Variants in RAD51B observed in about 807,000 individuals in gnomAD.
RAD51B encodes RAD51 paralog B, also known as DNA repair protein RAD51 homolog 2.
A neutral mutation model predicts 42.2 loss-of-function variants in RAD51B; 38 were observed. The observed-to-expected ratio is 0.90, with a 90% CI of 0.70 to 1.18. The LOEUF is 1.18. Among genes scored for constraint, RAD51B ranks in the 50% most tolerant of loss-of-function variants. The pLI, the probability that RAD51B is intolerant of heterozygous loss-of-function variation, is 0.00. For missense variants in RAD51B, 373 were observed against 400.7 expected (o/e 0.93, Z 0.59); for synonymous variants, 154 against 145.2 (o/e 1.06, Z -0.43).
At position 68,142,608 on chromosome 14, in the gene RAD51B, A is replaced by G. The variant is rs137938766; in HGVS notation, c.757-149276A>G. Among the ~76,000 whole-genome samples, 182 of 152,306 alleles carry G rather than the reference A, an allele frequency of 1.2e-3. 1 individual carries two copies. Among genetic ancestry groups the G allele is most frequent in the Non-Finnish European group, 1.9e-3 (126 of 68,012 alleles). On this transcript the variant is annotated intron_variant, in intron 7 of 10. Coordinates refer to ENST00000471583, the MANE Select transcript of RAD51B (RefSeq NM_133510.4). ...TTGACTTGCTGTTTTGTAAATCAAC[A>G]TGACAGGATAAACAGAGGCCATAGT...
At chr14:68,278,429 T>C (rs1199932758) in intron 7 of RAD51B, among the ~76,000 whole-genome samples, 1 of 152,188 alleles carries the variant, frequency 6.6e-6, no homozygotes, top group Non-Finnish European at 1.5e-5. Context: ...GGTGTTACGA[T>C]GAGGATGAAA....
intron 10 of RAD51B, chr14:68,563,151 G>A (rs1044209871): frequency 2.0e-6 from 2 of 985,464 alleles, no homozygotes; most frequent in East Asian, 1.1e-4. Flanking sequence ...GCGAAGGAGA[G>A]AAGTTCTTTA....
At chr14:68,595,151 T>C in exon 11 of RAD51B, 1 of 1,066,608 alleles carries the variant, frequency 9.4e-7, no homozygotes, top group East Asian at 4.9e-5. Context: ...GAACGTTTAT[T>C]CTCTTCCCTC....
At chr14:68,266,891 A>G (rs959756567) in intron 7 of RAD51B, among the ~76,000 whole-genome samples, 1 of 152,254 alleles carries the variant, frequency 6.6e-6, no homozygotes, top group African/African-American at 2.4e-5. Context: ...ATATATAAAC[A>G]TTATTGTTTT....
chr14:68,517,132 C>G (rs1290455453), intron 10 of RAD51B, among the ~76,000 whole-genome samples: 2 of 152,094 alleles, frequency 1.3e-5, no homozygotes, highest in African/African-American at 4.8e-5. Context: ...CACACAAGTG[C>G]TTTTCCTCCA....
intron 7 of RAD51B, among the ~76,000 whole-genome samples, chr14:67,889,680 T>G (rs2043162768): frequency 6.6e-6 from 1 of 151,944 alleles, no homozygotes; most frequent in African/African-American, 2.4e-5. Flanking sequence ...CATTTAAGTT[T>G]TAAGTATGCT....
intron 8 of RAD51B, among the ~76,000 whole-genome samples, chr14:68,391,174 C>CTTTCTTTCTTTCTTTCTTTCTTTCT (rs1267500913): frequency 6.7e-6 from 1 of 149,830 alleles, no homozygotes; most frequent in South Asian, 2.1e-4. Flanking sequence ...TTCTTTCTTT[C>CTTTCTTTCTTTCTTTCTTTCTTTCT]TTTCTTTCTT....
intron 7 of RAD51B, among the ~76,000 whole-genome samples, chr14:68,280,440 T>A (rs991676605): frequency 1.3e-5 from 2 of 152,186 alleles, no homozygotes; most frequent in African/African-American, 4.8e-5. Flanking sequence ...GGTGCTCCCA[T>A]GTGCCAGCTA....
intron 7 of RAD51B, among the ~76,000 whole-genome samples, chr14:68,021,075 G>A (rs1279468794): frequency 6.6e-6 from 1 of 152,190 alleles, no homozygotes; most frequent in Non-Finnish European, 1.5e-5. Flanking sequence ...ACCCCCCTGG[G>A]ACCTTACACT....
intron 7 of RAD51B, among the ~76,000 whole-genome samples, chr14:68,177,526 C>G (rs1208733287): frequency 2.0e-5 from 3 of 152,034 alleles, no homozygotes; most frequent in African/African-American, 7.2e-5. Flanking sequence ...ATGTGCTTAT[C>G]TTTTCTCTCA....
chr14:68,367,905 A>T (rs559598957), intron 8 of RAD51B, among the ~76,000 whole-genome samples: 24 of 152,344 alleles, frequency 1.6e-4, no homozygotes, highest in Middle Eastern at 3.4e-3. Context: ...TTTGACAACT[A>T]TTTTTATGGC....
At chr14:68,110,194 A>G (rs1423456990) in intron 7 of RAD51B, among the ~76,000 whole-genome samples, 2 of 151,998 alleles carry the variant, frequency 1.3e-5, no homozygotes, top group Admixed American at 6.6e-5. Context: ...TCTGCAAGGG[A>G]CAGTAGGCTT....
chr14:68,642,257 A>G (rs1308877345), intron 10 of RAD51B, among the ~76,000 whole-genome samples: 1 of 152,210 alleles, frequency 6.6e-6, no homozygotes. Context: ...TTGGGAGGCT[A>G]TTAATTATTG....
At chr14:68,229,881 C>T (rs998750061) in intron 7 of RAD51B, among the ~76,000 whole-genome samples, 6 of 152,180 alleles carry the variant, frequency 3.9e-5, no homozygotes, top group African/African-American at 7.2e-5. Context: ...TCTTTGTGCC[C>T]TATCTTGCCC....
rs1291922108 is a variant in RAD51B at position 68,168,138 on chromosome 14, G to A, written c.757-123746G>A. ...CCTTGGGGTGGGCCACATAGTCACGGACCCACAGATACTCAGATAGGAAGA... is the reference window on the plus strand; with the variant it reads ...CCTTGGGGTGGGCCACATAGTCACGAACCCACAGATACTCAGATAGGAAGA... On this transcript the variant is annotated intron_variant, in intron 7 of 10. Coordinates refer to ENST00000471583, the MANE Select transcript of RAD51B (RefSeq NM_133510.4). 2.6e-5 allele frequency among the ~76,000 whole-genome samples: 4 copies of A among 152,180 alleles called. No individual in the cohort carries two copies. The East Asian group carries it at 7.7e-4, about 29-fold the overall frequency.
rs79695801 is a variant in RAD51B at position 68,174,344 on chromosome 14, C to T, written c.757-117540C>T. Among the ~76,000 whole-genome samples, 1,454 of 149,636 alleles carry T rather than the reference C, an allele frequency of 9.7e-3. 11 individuals are homozygous for T. The highest frequency in any genetic ancestry group is 0.022 in the African/African-American group (905 of 40,526). ...GTGGAGCTATGATTGTATCACTGCACTCTAGCTTGGGCAAAAAAAGTGAGA... is the reference window on the plus strand; with the variant it reads ...GTGGAGCTATGATTGTATCACTGCATTCTAGCTTGGGCAAAAAAAGTGAGA... On this transcript the variant is annotated intron_variant, in intron 7 of 10. Coordinates refer to ENST00000471583, the MANE Select transcript of RAD51B (RefSeq NM_133510.4).
chr14:68,537,261 G>A (rs1460871751), intron 10 of RAD51B, among the ~76,000 whole-genome samples: 6 of 152,074 alleles, frequency 3.9e-5, no homozygotes, highest in Non-Finnish European at 7.4e-5. Flanking sequence ...CATTTTGGGA[G>A]GCCGAGGCGG....
intron 10 of RAD51B, among the ~76,000 whole-genome samples, chr14:68,575,599 A>G (rs80044540): frequency 0.091 from 13,805 of 152,126 alleles, 840 homozygotes; most frequent in South Asian, 0.16. Context: ...TCCCTCCCCA[A>G]CGCCACACAC....
chr14:68,527,049 G>A (rs904325453), intron 10 of RAD51B, among the ~76,000 whole-genome samples: 4 of 152,106 alleles, frequency 2.6e-5, no homozygotes, highest in African/African-American at 9.7e-5. Flanking sequence ...GAAGTTTCTG[G>A]GCAGAACGGG....
Sources: allele counts gnomAD v4.1 joint callset (sites outside exome capture counted in the v4.1 genomes callset), GRCh38; gene constraint gnomAD v4.1.1; transcripts MANE v1.5; gene names NCBI Gene and HGNC (gene_info 2026-07-23, HGNC 2026-07-21).